PHACTR1: variants seen among roughly 807,000 people sequenced by gnomAD.
PHACTR1 encodes the protein phosphatase and actin regulator 1.
A neutral mutation model predicts 69.2 loss-of-function variants in PHACTR1; 16 were observed. The observed-to-expected ratio is 0.23, with a 90% CI of 0.16 to 0.35. The LOEUF is 0.35. Ranked by LOEUF, PHACTR1 falls within the 10% of genes least tolerant of loss-of-function variation. The probability of loss-of-function intolerance (pLI) is 1.00; values close to 1 mark genes in which losing one functional copy is unlikely to be tolerated. For synonymous variants in PHACTR1, 312 were observed against 284.5 expected, an observed-to-expected ratio of 1.10 and a Z score of -0.97; for missense variants, 510 against 734.7, an observed-to-expected ratio of 0.69 and a Z score of 3.54.
chr6:13,177,835 A>C (rs979041915), intron 6 of PHACTR1, among the ~76,000 whole-genome samples: 2 of 152,194 alleles, frequency 1.3e-5, no homozygotes, highest in Non-Finnish European at 2.9e-5. Flanking sequence ...TGTTTCTACA[A>C]GTATCATAAT....
At chr6:13,018,415 A>G (rs1179356501) in intron 4 of PHACTR1, among the ~76,000 whole-genome samples, 5 of 152,004 alleles carry the variant, frequency 3.3e-5, no homozygotes, top group Non-Finnish European at 1.5e-5. Flanking sequence ...GAATATTACT[A>G]TATTAGTTGT....
chr6:12,933,369 T>C (rs947197673), intron 4 of PHACTR1, among the ~76,000 whole-genome samples: 3 of 152,188 alleles, frequency 2.0e-5, no homozygotes, highest in African/African-American at 7.2e-5. Context: ...TAAATTAAAA[T>C]GTTCATGGAA....
chr6:12,763,863 G>A (rs1159148864), intron 4 of PHACTR1, among the ~76,000 whole-genome samples: 1 of 151,986 alleles, frequency 6.6e-6, no homozygotes, highest in Non-Finnish European at 1.5e-5. Flanking sequence ...TAAGACCTTT[G>A]GTGGCAAGGG....
intron 4 of PHACTR1, among the ~76,000 whole-genome samples, chr6:12,758,168 G>A (rs563392042): frequency 1.4e-4 from 21 of 152,188 alleles, no homozygotes; most frequent in African/African-American, 4.8e-4. Flanking sequence ...GTCTGGGCTG[G>A]GGGCAGTGGC....
intron 4 of PHACTR1, among the ~76,000 whole-genome samples, chr6:13,049,017 TCTA>T (rs1273520970): frequency 3.3e-5 from 5 of 152,242 alleles, no homozygotes. Context: ...TGCTCAATAA[TCTA>T]CTGAATTTAA....
At chr6:13,002,829 G>T (rs2127626974) in intron 4 of PHACTR1, among the ~76,000 whole-genome samples, 1 of 152,318 alleles carries the variant, frequency 6.6e-6, no homozygotes, top group African/African-American at 2.4e-5. Context: ...AAAAGCTTGA[G>T]GAGTTATGCC....
Position 13,208,629 on chromosome 6 carries a change from C to T in PHACTR1, c.986+2493C>T, listed in dbSNP as rs768172789. Among the ~76,000 whole-genome samples, 5 of 140,734 alleles carry T rather than the reference C, an allele frequency of 3.6e-5. No homozygotes were observed. In the East Asian group the frequency reaches 1.0e-3, roughly 29 times the overall value. The allele number at this position is 140,734 out of a possible 152,430, so 92.3% of individuals were successfully genotyped here. On this transcript the variant is annotated intron_variant, in intron 8 of 14. Coordinates refer to ENST00000332995, the MANE Select transcript of PHACTR1 (RefSeq NM_030948.6). ...ATGTAGCAGCCAACGTCATTGCTGC[C>T]CACCCCCCCAACCCCATGTCTACAT...
chr6:13,226,120 G>A (rs533859761), intron 8 of PHACTR1, among the ~76,000 whole-genome samples: 2 of 152,250 alleles, frequency 1.3e-5, no homozygotes, highest in South Asian at 4.1e-4. Context: ...TTGTAAATAC[G>A]TGATTTAATC....
intron 4 of PHACTR1, among the ~76,000 whole-genome samples, chr6:12,815,026 A>G (rs1282851440): frequency 6.6e-6 from 1 of 152,228 alleles, no homozygotes; most frequent in Non-Finnish European, 1.5e-5. Context: ...TGTCATTGTA[A>G]TGATACAGTC....
At chr6:13,106,296 T>G (rs1337418136) in intron 5 of PHACTR1, among the ~76,000 whole-genome samples, 1 of 152,180 alleles carries the variant, frequency 6.6e-6, no homozygotes, top group African/African-American at 2.4e-5. Context: ...TTATCTTGCT[T>G]GATTGTGCTG....
intron 4 of PHACTR1, among the ~76,000 whole-genome samples, chr6:12,971,933 T>C (rs1005786828): frequency 1.3e-5 from 2 of 152,216 alleles, no homozygotes; most frequent in Non-Finnish European, 2.9e-5. Flanking sequence ...TGGGGTATTA[T>C]ACACAGCCCC....
chr6:13,219,510 C>T (rs139309324), intron 8 of PHACTR1, among the ~76,000 whole-genome samples: 6 of 152,294 alleles, frequency 3.9e-5, no homozygotes, highest in South Asian at 2.1e-4. Context: ...ACCCACTGCA[C>T]GACCCCTTTT....
chr6:13,190,895 G>T (rs141694302), intron 7 of PHACTR1, among the ~76,000 whole-genome samples: 1 of 152,138 alleles, frequency 6.6e-6, no homozygotes, highest in Non-Finnish European at 1.5e-5. Flanking sequence ...TGGTGTCCAT[G>T]ACCTGTGTTA....
intron 8 of PHACTR1, among the ~76,000 whole-genome samples, chr6:13,219,338 T>G (rs1157716680): frequency 6.6e-6 from 1 of 152,152 alleles, no homozygotes; most frequent in Non-Finnish European, 1.5e-5. Flanking sequence ...AGCTTACTCG[T>G]TAGTGGGAGC....
chr6:13,116,546 G>A (rs558105821), intron 5 of PHACTR1, among the ~76,000 whole-genome samples: 2 of 152,266 alleles, frequency 1.3e-5, no homozygotes, highest in East Asian at 3.9e-4. Context: ...GAGGATGGAG[G>A]AAATTGGTGG....
chr6:12,795,883 A>G (rs1304862934), intron 4 of PHACTR1, among the ~76,000 whole-genome samples: 1 of 151,936 alleles, frequency 6.6e-6, no homozygotes, highest in Non-Finnish European at 1.5e-5. Flanking sequence ...TACATTTTTA[A>G]GAAAAGAATC....
At chr6:13,051,608 C>T (rs986567755) in intron 4 of PHACTR1, among the ~76,000 whole-genome samples, 1 of 152,196 alleles carries the variant, frequency 6.6e-6, no homozygotes, top group African/African-American at 2.4e-5. Flanking sequence ...TCCCAGGGAT[C>T]CGCTTCTCCC....
intron 4 of PHACTR1, among the ~76,000 whole-genome samples, chr6:12,935,984 C>T (rs1789404813): frequency 2.0e-5 from 3 of 151,868 alleles, no homozygotes; most frequent in Admixed American, 2.0e-4. Flanking sequence ...CCTACTCAAA[C>T]TCCCTGCTCA....
intron 4 of PHACTR1, among the ~76,000 whole-genome samples, chr6:12,854,619 A>T (rs943687877): frequency 2.0e-5 from 3 of 152,178 alleles, no homozygotes; most frequent in African/African-American, 7.2e-5. Flanking sequence ...GAATGGGAGA[A>T]ATTATTTGCA....
Sources: gnomAD v4.1 joint callset for allele counts (sites outside exome capture counted in the v4.1 genomes callset) on GRCh38, gnomAD v4.1.1 for gene constraint, MANE v1.5 for transcripts, NCBI Gene and HGNC (gene_info 2026-07-23, HGNC 2026-07-21) for gene names.